RFX6: variants seen among roughly 807,000 people sequenced by gnomAD.
RFX6 encodes DNA-binding protein RFX6.
In RFX6, 50 loss-of-function variants were observed where a neutral mutation model predicts 110.8. The ratio of observed to expected loss-of-function variants is 0.45; its 90% CI spans 0.36 to 0.57. The LOEUF (loss-of-function observed/expected upper bound fraction) is 0.57. Ranked by LOEUF, RFX6 falls within the 20% of genes least tolerant of loss-of-function variation. RFX6 has a pLI of 0.00. For missense variants in RFX6, 990 were observed against 1,127.0 expected (o/e 0.88, Z 1.74); for synonymous variants, 383 against 411.2 (o/e 0.93, Z 0.83).
chr6:116,886,950 C>T (rs1742486854), intron 4 of RFX6, among the ~76,000 whole-genome samples: 1 of 152,066 alleles, frequency 6.6e-6, no homozygotes, highest in African/African-American at 2.4e-5. Flanking sequence ...GTAGTCCCAG[C>T]TACTCAGGAA....
rs138386363 is a variant in RFX6 at position 116,883,705 on chromosome 6, A to C, written c.566+1277A>C. 1.6e-3 allele frequency among the ~76,000 whole-genome samples: 250 copies of C among 152,232 alleles called. 1 individual carries two copies. Among genetic ancestry groups the C allele is most frequent in the African/African-American group, 5.8e-3 (240 of 41,560 alleles). On this transcript the variant is annotated intron_variant, in intron 4 of 18. Transcript: ENST00000332958. ...CCTGTGCTTACCCCCACATATGGCC[A>C]GTGGCTTTATTGCTTTATTGGATAG...
At chr6:116,913,059 C>T (rs1407256043) in intron 7 of RFX6, among the ~76,000 whole-genome samples, 1 of 151,934 alleles carries the variant, frequency 6.6e-6, no homozygotes, top group Non-Finnish European at 1.5e-5. Flanking sequence ...ACTTAAGGTA[C>T]CTGCTTCTTT....
intron 6 of RFX6, among the ~76,000 whole-genome samples, chr6:116,898,778 T>A (rs1775005197): frequency 6.6e-6 from 1 of 152,154 alleles, no homozygotes; most frequent in African/African-American, 2.4e-5. Flanking sequence ...CTCTCAGGAA[T>A]GGTAGTGTAG....
chr6:116,919,300 T>G lies in RFX6; in HGVS notation c.1182+4T>G. The stretch of plus-strand genomic sequence containing the variant: ...ATCTTTCTTACATCTTGCCCAGGTA[T>G]GTTGGTTGCTAAGTCGAGAGCATTT... On this transcript the variant is annotated splice_donor_region_variant and intron_variant, in intron 11 of 18. Coordinates refer to ENST00000332958, the MANE Select transcript of RFX6 (RefSeq NM_173560.4). 3.7e-6 allele frequency: 6 copies of G among 1,612,698 alleles called. No individual in the cohort carries two copies. The highest frequency in any genetic ancestry group is 5.1e-6 in the Non-Finnish European group (6 of 1,178,818).
At chr6:116,900,710 T>C (rs921855274) in intron 6 of RFX6, among the ~76,000 whole-genome samples, 5 of 152,146 alleles carry the variant, frequency 3.3e-5, no homozygotes, top group Non-Finnish European at 7.4e-5. Flanking sequence ...AAAATTTTTA[T>C]TGATTACAGT....
At position 116,925,559 on chromosome 6, in the gene RFX6, G is replaced by A. The variant is rs1487336743; in HGVS notation, c.1785G>A (p.Val595=). The A allele has an allele frequency of 6.2e-7, 1 of 1,613,902 alleles. No homozygotes were observed. The highest frequency in any genetic ancestry group is 8.5e-7 in the Non-Finnish European group (1 of 1,179,882). ...SSDAVKNESH[V]ETTYLPLPSS... ...ACGCTGTGAAGAATGAAAGCCACGT[G>A]GAGACAACCTATCTCCCTCTGCCAT... Residue 595 remains valine, a synonymous_variant, in exon 16 of 19, where the codon GTG becomes GTA. Coordinates refer to ENST00000332958, the MANE Select transcript of RFX6 (RefSeq NM_173560.4).
chr6:116,885,101 G>T (rs1774671700), intron 4 of RFX6: 1 of 152,084 alleles, frequency 6.6e-6, no homozygotes. Flanking sequence ...TTGGAAGATA[G>T]AATATCAAAA....
rs1317160048 is a variant in RFX6 at position 116,924,654 on chromosome 6, C to G, written c.1556-15C>G. On this transcript the variant is annotated splice_polypyrimidine_tract_variant and intron_variant, in intron 14 of 18. Coordinates refer to ENST00000332958, the MANE Select transcript of RFX6 (RefSeq NM_173560.4). Reference sequence around the variant, plus strand: ...TTTCACACTGTCCTCTCCTCATTCTCCATCCATAAACAAGGTTCTTTTCAT... The same window carrying G: ...TTTCACACTGTCCTCTCCTCATTCTGCATCCATAAACAAGGTTCTTTTCAT... 3.1e-6 allele frequency: 5 copies of G among 1,607,252 alleles called. No homozygotes were observed. The highest frequency in any genetic ancestry group is 4.3e-6 in the Non-Finnish European group (5 of 1,173,992).
chr6:116,921,876 T>C (rs756870219), intron 12 of RFX6, among the ~76,000 whole-genome samples, 166 bp from the exon 13 acceptor site: 1 of 152,160 alleles, frequency 6.6e-6, no homozygotes, highest in Non-Finnish European at 1.5e-5. Flanking sequence ...ATTTTTTTGT[T>C]ACTGTTTTCA....
chr6:116,879,237 T>C (rs928144681), intron 2 of RFX6, among the ~76,000 whole-genome samples: 2 of 151,954 alleles, frequency 1.3e-5, no homozygotes, highest in Non-Finnish European at 2.9e-5. Flanking sequence ...ATCATACTTA[T>C]GTCTAGGATG....
chr6:116,914,655 T>C (rs1775425356), intron 7 of RFX6, among the ~76,000 whole-genome samples: 1 of 152,200 alleles, frequency 6.6e-6, no homozygotes, highest in East Asian at 1.9e-4. Context: ...AATGTTCATA[T>C]CATGGTTCTA....
At chr6:116,930,455 C>G (rs1434452076) in intron 18 of RFX6, among the ~76,000 whole-genome samples, 4 of 152,064 alleles carry the variant, frequency 2.6e-5, no homozygotes, top group African/African-American at 4.8e-5. Flanking sequence ...AAGAAGTTTA[C>G]ATTCTAGTAG....
At chr6:116,880,965 G>T (rs1774578415) in intron 3 of RFX6, among the ~76,000 whole-genome samples, 1 of 152,034 alleles carries the variant, frequency 6.6e-6, no homozygotes, top group African/African-American at 2.4e-5. Context: ...GTGGTAAGAA[G>T]CAAAATTAAG....
intron 9 of RFX6, among the ~76,000 whole-genome samples, chr6:116,916,963 A>G (rs529593433): frequency 6.6e-6 from 1 of 152,136 alleles, no homozygotes; most frequent in Admixed American, 6.6e-5. Flanking sequence ...GTTTGCCTAC[A>G]TTTGCTTTCT....
rs757903237 is a variant in RFX6, at chr6:116,920,455, G to GT, written c.1327+2dup. 1 of 1,612,322 alleles carries GT rather than the reference G, an allele frequency of 6.2e-7. No individual in the cohort carries two copies. Among genetic ancestry groups the GT allele is most frequent in the Non-Finnish European group, 8.5e-7 (1 of 1,178,470 alleles). On this transcript the variant is annotated splice_donor_variant, in intron 12 of 18. Coordinates refer to ENST00000332958, the MANE Select transcript of RFX6 (RefSeq NM_173560.4). LOFTEE classifies it high-confidence loss of function. ...ACTGAATCTGGTATCTACACTGAAC[G>GT]TAAGTCCATTCTCTTTGTTTAGAAC...
intron 6 of RFX6, among the ~76,000 whole-genome samples, chr6:116,897,328 C>T (rs1311716513): frequency 6.6e-6 from 1 of 152,144 alleles, no homozygotes; most frequent in East Asian, 1.9e-4. Context: ...TCTCTGGCCT[C>T]TACCCATTAC....
intron 4 of RFX6, chr6:116,885,069 A>T (rs1321467383): frequency 6.6e-6 from 1 of 152,142 alleles, no homozygotes; most frequent in Admixed American, 6.5e-5. Flanking sequence ...TTTATTTCCA[A>T]GAAATATCCT....
intron 13 of RFX6, 78 bp from the exon 14 acceptor site, chr6:116,923,029 A>T: frequency 1.3e-6 from 1 of 795,482 alleles, no homozygotes; most frequent in Non-Finnish European, 2.3e-6. Flanking sequence ...CAGTCTATTT[A>T]CTTCTTGATC....
At chr6:116,926,611 A>G (rs925386955) in intron 16 of RFX6, among the ~76,000 whole-genome samples, 1 of 152,212 alleles carries the variant, frequency 6.6e-6, no homozygotes, top group African/African-American at 2.4e-5. Context: ...AGGTGTTTGC[A>G]TGACATTTTG....
Sources: gnomAD v4.1 joint callset for allele counts (sites outside exome capture counted in the v4.1 genomes callset) on GRCh38, gnomAD v4.1.1 for gene constraint, MANE v1.5 for transcripts, NCBI Gene and HGNC (gene_info 2026-07-23, HGNC 2026-07-21) for gene names.